Variants in DYM observed in about 807,000 individuals in gnomAD.
DYM encodes dyggve-Melchior-Clausen syndrome protein.
In DYM, 78 loss-of-function variants were observed where a neutral mutation model predicts 93.1. The observed-to-expected ratio is 0.84, with a 90% CI of 0.70 to 1.01. The LOEUF (loss-of-function observed/expected upper bound fraction) is 1.01, where lower values mean the gene tolerates loss of function less well. Ranked by LOEUF, DYM falls within the 50% of genes least tolerant of loss-of-function variation. The probability of loss-of-function intolerance (pLI) is 0.00; values close to 1 mark genes in which losing one functional copy is unlikely to be tolerated. For missense variants in DYM, 789 were observed against 845.0 expected, an observed-to-expected ratio of 0.93 and a Z score of 0.82; for synonymous variants, 321 against 319.7, an observed-to-expected ratio of 1.00 and a Z score of -0.04.
intron 8 of DYM, among the ~76,000 whole-genome samples, chr18:49,292,965 TC>T (rs35563114): frequency 0.12 from 18,184 of 152,000 alleles, 1,312 homozygotes; most frequent in East Asian, 0.31. Flanking sequence ...CCTAATGCTA[TC>T]CCCTCCTCTA....
chr18:49,148,087 G>A (rs190377530), intron 15 of DYM, among the ~76,000 whole-genome samples: 2,652 of 150,354 alleles, frequency 0.018, 74 homozygotes, highest in African/African-American at 0.062. Context: ...GCAAACTATC[G>A]CAAGGACAAA....
chr18:49,087,366 G>T (rs529385481), intron 17 of DYM, among the ~76,000 whole-genome samples: 7 of 152,178 alleles, frequency 4.6e-5, no homozygotes, highest in African/African-American at 1.7e-4. Context: ...TCTACTCTAG[G>T]ATTACAAAGT....
At chr18:49,057,800 G>A (rs1367879492) in intron 17 of DYM, among the ~76,000 whole-genome samples, 1 of 152,248 alleles carries the variant, frequency 6.6e-6, no homozygotes, top group Non-Finnish European at 1.5e-5. Flanking sequence ...GTATCATGGA[G>A]GGAAAATTCA....
chr18:49,447,820 G>C (rs1600347990), intron 1 of DYM, among the ~76,000 whole-genome samples: 1 of 152,176 alleles, frequency 6.6e-6, no homozygotes, highest in Non-Finnish European at 1.5e-5. Flanking sequence ...GGTAAGATCA[G>C]GGAATGTCGT....
chr18:49,080,293 G>A (rs2145144253), intron 17 of DYM, among the ~76,000 whole-genome samples: 1 of 135,914 alleles, frequency 7.4e-6, no homozygotes, highest in Non-Finnish European at 1.6e-5. Flanking sequence ...CGGGGCAGAG[G>A]CGCCCCTCAC....
intron 17 of DYM, among the ~76,000 whole-genome samples, chr18:49,072,293 C>T (rs369734663): frequency 1.3e-4 from 20 of 152,100 alleles, no homozygotes; most frequent in Non-Finnish European, 2.4e-4. Context: ...TAAGGTGATT[C>T]GTGTCATGTT....
chr18:49,162,184 C>T (rs189187771), intron 15 of DYM, among the ~76,000 whole-genome samples: 54 of 152,350 alleles, frequency 3.5e-4, no homozygotes, highest in Admixed American at 9.2e-4. Flanking sequence ...CACCCCTGTG[C>T]TGTTTCTATT....
intron 17 of DYM, among the ~76,000 whole-genome samples, chr18:49,053,143 A>G (rs566536560): frequency 6.6e-6 from 1 of 152,326 alleles, no homozygotes; most frequent in South Asian, 2.1e-4. Context: ...CAGTGAGTCA[A>G]CCTACCACAG....
At chr18:49,447,323 TTCTG>T (rs1401762892) in intron 1 of DYM, 4 of 152,222 alleles carry the variant, frequency 2.6e-5, no homozygotes, top group Admixed American at 6.5e-5. Flanking sequence ...CTCTCCTTTC[TTCTG>T]TCTATTAAGC....
intron 15 of DYM, among the ~76,000 whole-genome samples, chr18:49,133,970 T>C (rs941339563): frequency 3.3e-5 from 5 of 152,236 alleles, no homozygotes; most frequent in African/African-American, 4.8e-5. Context: ...GACTAAATTA[T>C]AGTACATCTG....
In DYM at chr18:49,090,578, C is replaced by T. The variant is rs901194688; in HGVS notation, c.2025+6824G>A. ...GCACTCGGTCTCCTCGACTTTCTGT[C>T]AGGCCCTGAACATACACATGCTCTA... On this transcript the variant is annotated intron_variant, in intron 17 of 17. Transcript: ENST00000675505. 2.0e-5 allele frequency among the ~76,000 whole-genome samples: 3 copies of T among 152,182 alleles called. No individual in the cohort carries two copies. The East Asian group carries it at 5.8e-4, about 29-fold the overall frequency.
At chr18:49,423,954 A>T (rs1270267605) in intron 2 of DYM, among the ~76,000 whole-genome samples, 8 of 152,240 alleles carry the variant, frequency 5.3e-5, no homozygotes, top group African/African-American at 1.2e-4. Context: ...TCACAGCCGA[A>T]TTCTACCAGA....
In DYM at chr18:49,282,875, A is replaced by G. The variant is rs1395093337; in HGVS notation, c.947-700T>C. ...CTACAGAAAAAGATATAATTTCTAC[A>G]CAAAATAGAAAATTCTCTTTTAAGA... On this transcript the variant is annotated intron_variant, in intron 9 of 17. Transcript: ENST00000675505. Among the ~76,000 whole-genome samples, 9 of 152,204 alleles carry G rather than the reference A, an allele frequency of 5.9e-5. No individual in the cohort carries two copies. The South Asian group carries it at 8.3e-4, about 14-fold the overall frequency.
At chr18:49,268,546 A>G (rs1425986410) in intron 11 of DYM, among the ~76,000 whole-genome samples, 1 of 152,232 alleles carries the variant, frequency 6.6e-6, no homozygotes, top group Non-Finnish European at 1.5e-5. Flanking sequence ...AAATAGCACA[A>G]TAAAAAGTAT....
intron 16 of DYM, among the ~76,000 whole-genome samples, chr18:49,118,079 G>A (rs1008168398): frequency 5.1e-5 from 7 of 136,168 alleles, no homozygotes; most frequent in African/African-American, 2.0e-4. Context: ...GTGTGATCTC[G>A]GCTCACTGCA....
chr18:49,433,678 G>A (rs2080543632), intron 1 of DYM, among the ~76,000 whole-genome samples: 1 of 152,086 alleles, frequency 6.6e-6, no homozygotes, highest in Non-Finnish European at 1.5e-5. Context: ...GACTAACCTG[G>A]TCAACATAGT....
intron 17 of DYM, among the ~76,000 whole-genome samples, chr18:49,087,161 A>G (rs988208571): frequency 6.6e-6 from 1 of 152,200 alleles, no homozygotes; most frequent in Non-Finnish European, 1.5e-5. Flanking sequence ...CCCAGTCTCC[A>G]GAACTCTGAG....
intron 1 of DYM, among the ~76,000 whole-genome samples, chr18:49,457,920 C>T (rs2083137955): frequency 6.6e-6 from 1 of 152,132 alleles, no homozygotes; most frequent in Admixed American, 6.6e-5. Context: ...AGAGGAGGTA[C>T]GCCACAAGCC....
intron 8 of DYM, among the ~76,000 whole-genome samples, chr18:49,314,548 T>G (rs755243691): frequency 2.0e-5 from 3 of 152,246 alleles, no homozygotes; most frequent in Non-Finnish European, 4.4e-5. Flanking sequence ...CCAAAGCAGC[T>G]GAACCTAACT....
Sources: gnomAD v4.1 joint callset for allele counts (sites outside exome capture counted in the v4.1 genomes callset) on GRCh38, gnomAD v4.1.1 for gene constraint, MANE v1.5 for transcripts, NCBI Gene and HGNC (gene_info 2026-07-23, HGNC 2026-07-21) for gene names.